The following PLS1 variants were observed in gnomAD, a reference collection of about 807,000 sequenced individuals.
PLS1 encodes plastin 1, also known as plastin-1.
A neutral mutation model predicts 73.7 loss-of-function variants in PLS1; 32 were observed. The ratio of observed to expected loss-of-function variants is 0.43; its 90% CI spans 0.33 to 0.58. The LOEUF (loss-of-function observed/expected upper bound fraction) is 0.58. PLS1 is among the 20% of genes least tolerant of loss of function. The pLI is 0.04. For synonymous variants in PLS1, 217 were observed against 261.3 expected (o/e 0.83, Z 1.63); for missense variants, 633 against 740.5 (o/e 0.85, Z 1.68).
At chr3:142,647,460 C>T (rs948804032) in intron 1 of PLS1, among the ~76,000 whole-genome samples, 3 of 150,910 alleles carry the variant, frequency 2.0e-5, no homozygotes, top group South Asian at 2.1e-4. Flanking sequence ...GGGTTTGCAT[C>T]TTTTGTAGTC....
At chr3:142,664,405 T>A in intron 2 of PLS1, 98 bp downstream of exon 2, 1 of 586,858 alleles carries the variant, frequency 1.7e-6, no homozygotes, top group Non-Finnish European at 3.0e-6. Flanking sequence ...CACCACCCAA[T>A]TACCTCCAGA....
At chr3:142,697,198 G>A (rs557065394) in intron 11 of PLS1, among the ~76,000 whole-genome samples, 1 of 152,216 alleles carries the variant, frequency 6.6e-6, no homozygotes, top group East Asian at 1.9e-4. Context: ...TGAATCCAAA[G>A]TAGTAATATT....
intron 1 of PLS1, among the ~76,000 whole-genome samples, chr3:142,639,734 T>C (rs2036788098): frequency 6.6e-6 from 1 of 152,238 alleles, no homozygotes; most frequent in Non-Finnish European, 1.5e-5. Context: ...CTTGATGCCC[T>C]TCGCAGTGCT....
intron 2 of PLS1, among the ~76,000 whole-genome samples, chr3:142,667,179 G>C (rs1293234217): frequency 1.3e-5 from 2 of 152,226 alleles, no homozygotes; most frequent in African/African-American, 4.8e-5. Flanking sequence ...CCCTTTGGGA[G>C]GCCGAGGCAG....
In PLS1 at chr3:142,694,645, A is replaced by G. The variant is rs952578812; in HGVS notation, c.1256+98A>G. The G allele has an allele frequency of 4.3e-5, 28 of 656,578 alleles. No individual in the cohort carries two copies. The South Asian group carries it at 5.8e-4, about 14-fold the overall frequency. The allele number at this position is 656,578 out of a possible 1,614,324, so 40.7% of individuals were successfully genotyped here. ...AAATGGAACATTTTCTCAAGTTGCA[A>G]GAATTTTAGCCAATTTTTAGAGTTT... On this transcript the variant is annotated intron_variant, in intron 11 of 15. Coordinates refer to ENST00000457734, the MANE Select transcript of PLS1 (RefSeq NM_001145319.2).
At chr3:142,684,841 G>A (rs1040471314) in intron 8 of PLS1, among the ~76,000 whole-genome samples, 3 of 152,172 alleles carry the variant, frequency 2.0e-5, no homozygotes, top group African/African-American at 4.8e-5. Context: ...GGATCTTAAG[G>A]TATGTGCCTT....
In PLS1 at chr3:142,710,510, T is replaced by C. The variant is rs147787846; in HGVS notation, c.1630-991T>C. ...ACTGTATACCTGTTTATGCACTGTA[T>C]GCTTTATACATAAACAAGGTTATCA... On this transcript the variant is annotated intron_variant, in intron 14 of 15. Coordinates refer to ENST00000457734, the MANE Select transcript of PLS1 (RefSeq NM_001145319.2). 3.0e-3 allele frequency among the ~76,000 whole-genome samples: 458 copies of C among 152,318 alleles called. 1 individual carries two copies. The highest frequency in any genetic ancestry group is 0.011 in the African/African-American group (440 of 41,558).
intron 1 of PLS1, among the ~76,000 whole-genome samples, chr3:142,598,833 T>C (rs1418137046): frequency 6.6e-6 from 1 of 151,954 alleles, no homozygotes; most frequent in Non-Finnish European, 1.5e-5. Context: ...CCATCTCTAC[T>C]AAAAATACAA....
At chr3:142,653,491 G>A (rs992193135) in intron 1 of PLS1, among the ~76,000 whole-genome samples, 6 of 151,724 alleles carry the variant, frequency 4.0e-5, no homozygotes, top group African/African-American at 7.3e-5. Flanking sequence ...CTCCAGAATG[G>A]CTGGGACTAC....
chr3:142,660,001 T>C (rs2107816005), intron 1 of PLS1, among the ~76,000 whole-genome samples: 1 of 152,334 alleles, frequency 6.6e-6, no homozygotes, highest in South Asian at 2.1e-4. Flanking sequence ...AAGCACATTC[T>C]AAAAGAGACT....
At chr3:142,669,358 T>C in intron 2 of PLS1, 32 bp from the exon 3 acceptor site, 1 of 1,301,930 alleles carries the variant, frequency 7.7e-7, no homozygotes, top group Non-Finnish European at 1.1e-6. Context: ...CAACAAAGAT[T>C]ACAAAATATA....
At chr3:142,673,211 T>G (rs1365712860) in intron 4 of PLS1, among the ~76,000 whole-genome samples, 2 of 152,184 alleles carry the variant, frequency 1.3e-5, no homozygotes, top group Non-Finnish European at 2.9e-5. Flanking sequence ...CATGCCCAGC[T>G]AATTTTTCTA....
At chr3:142,672,386 A>G (rs2037622476) in intron 4 of PLS1, among the ~76,000 whole-genome samples, 1 of 136,090 alleles carries the variant, frequency 7.3e-6, no homozygotes, top group Admixed American at 8.5e-5. Context: ...TCTGTCGTCC[A>G]GGCTGGAGTG....
intron 3 of PLS1, among the ~76,000 whole-genome samples, chr3:142,669,950 T>A (rs1414811147): frequency 6.6e-6 from 1 of 152,196 alleles, no homozygotes; most frequent in African/African-American, 2.4e-5. Flanking sequence ...CTAGGCACTG[T>A]GAGTAATGTG....
Position 142,689,790 on chromosome 3 carries a change from A to G in PLS1, c.1154A>G (p.Asp385Gly). The change falls in exon 10 of 16, where the codon GAC (aspartate) becomes GGC (glycine). Residue 385 changes from aspartate (D) to glycine (G), a missense_variant. Transcript: ENST00000457734. The stretch of plus-strand genomic sequence containing the variant: ...TGCCTGCACAAGCCGAATAATAATG[A>G]CATCGATATGAATTTACTGGAAGGT... Reference protein sequence around the residue: ...YPCLHKPNNNDIDMNLLEGES... With the variant: ...YPCLHKPNNNGIDMNLLEGES... 1.3e-6 allele frequency: 2 copies of G among 1,591,894 alleles called. No individual in the cohort carries two copies. The highest frequency in any genetic ancestry group is 2.3e-5 in the South Asian group (2 of 87,200).
intron 1 of PLS1, among the ~76,000 whole-genome samples, chr3:142,631,087 G>A (rs2036549608): frequency 6.6e-6 from 1 of 151,750 alleles, no homozygotes; most frequent in Non-Finnish European, 1.5e-5. Context: ...GCAAAAGAAT[G>A]AAATTGAGAC....
intron 1 of PLS1, among the ~76,000 whole-genome samples, chr3:142,649,335 CAAAAAAAA>C (rs3055060): frequency 1.1e-5 from 1 of 93,472 alleles, no homozygotes; most frequent in East Asian, 3.3e-4. Context: ...GACCCTATGT[CAAAAAAAA>C]AAAAAAAAAA....
At chr3:142,670,190 T>A (rs533356448) in intron 3 of PLS1, among the ~76,000 whole-genome samples, 1 of 152,300 alleles carries the variant, frequency 6.6e-6, no homozygotes, top group East Asian at 1.9e-4. Context: ...TGAAGAAAGA[T>A]GTTAAACAGA....
chr3:142,669,943 G>A (rs745376856), intron 3 of PLS1, among the ~76,000 whole-genome samples: 1 of 152,160 alleles, frequency 6.6e-6, no homozygotes, highest in South Asian at 2.1e-4. Context: ...AATTTTGCTA[G>A]GCACTGTGAG....
Sources: gnomAD v4.1 joint callset for allele counts (sites outside exome capture counted in the v4.1 genomes callset) on GRCh38, gnomAD v4.1.1 for gene constraint, MANE v1.5 for transcripts, NCBI Gene and HGNC (gene_info 2026-07-23, HGNC 2026-07-21) for gene names.